IQANK1: variants seen among roughly 807,000 people sequenced by gnomAD.
IQANK1 encodes the protein IQ motif and ankyrin repeat domain-containing protein 1.
A neutral mutation model predicts 22.6 loss-of-function variants in IQANK1; 30 were observed. The ratio of observed to expected loss-of-function variants is 1.33; its 90% CI spans 0.99 to 1.80. The LOEUF is 1.80. IQANK1 is among the 40% of genes most tolerant of loss of function. The pLI, the probability that IQANK1 is intolerant of heterozygous loss-of-function variation, is 0.00. For missense variants in IQANK1, 275 were observed against 235.2 expected (o/e 1.17, Z -1.11); for synonymous variants, 122 against 99.6 (o/e 1.23, Z -1.34).
At chr8:143,769,991 T>C (rs1554629575) in intron 3 of IQANK1, among the ~76,000 whole-genome samples, 2 of 152,204 alleles carry the variant, frequency 1.3e-5, no homozygotes, top group Non-Finnish European at 2.9e-5. Flanking sequence ...TGGTCCCAGC[T>C]ACTCGGAGGC....
chr8:143,783,860 A>AC (rs1819839592), intron 7 of IQANK1, among the ~76,000 whole-genome samples: 1 of 152,170 alleles, frequency 6.6e-6, no homozygotes, highest in South Asian at 2.1e-4. Flanking sequence ...CTACACCATC[A>AC]ACTGTGCCCT....
chr8:143,742,375 T>C (rs1554626660), intron 3 of IQANK1: 1 of 455,946 alleles, frequency 2.2e-6, no homozygotes, highest in Non-Finnish European at 4.4e-6. Context: ...GAGGTCAGGC[T>C]GGAGTTGGTG....
In IQANK1 at chr8:143,749,284, TA is replaced by T. The variant is rs1188964042; in HGVS notation, c.175+9341del. ...ATATAAATGTATATATAAATATATA[TA>T]AAAATATATAATATATAAAAATATA... On this transcript the variant is annotated intron_variant, in intron 3 of 13. Coordinates refer to ENST00000527139, the MANE Select transcript of IQANK1 (RefSeq NM_001381874.1). Among the ~76,000 whole-genome samples the T allele has an allele frequency of 1.8e-4, 22 of 121,284 alleles. No homozygotes were observed. The East Asian group carries it at 3.6e-3, about 20-fold the overall frequency. The allele number at this position is 121,284 out of a possible 152,430, so 79.6% of individuals were successfully genotyped here.
intron 2 of IQANK1, among the ~76,000 whole-genome samples, chr8:143,738,739 G>C (rs1192698054): frequency 6.6e-6 from 1 of 152,094 alleles, no homozygotes; most frequent in Non-Finnish European, 1.5e-5. Context: ...ACAGCTGGTC[G>C]AGGGAAACTC....
chr8:143,739,811 G>T, intron 2 of IQANK1, 48 bp from the exon 3 acceptor site: 1 of 676,090 alleles, frequency 1.5e-6, no homozygotes, highest in Non-Finnish European at 2.7e-6. Flanking sequence ...AGGCTAATGG[G>T]GATGGGGGTC....
At position 143,771,679 on chromosome 8, in the gene IQANK1, A is replaced by G. The variant is rs1053793242; in HGVS notation, c.306+61A>G. ...CAGGAGGCAGGGGGAGGAAATGGCG[A>G]AGCAGGGTGCGTGGTGGGGGTGAGG... On this transcript the variant is annotated intron_variant, in intron 4 of 13. Transcript: ENST00000527139. The surrounding 1 kb of genome is among the most constrained non-coding windows in gnomAD (Gnocchi z 6.0). The G allele has an allele frequency of 3.3e-5, 13 of 398,416 alleles. No homozygotes were observed. The highest frequency in any genetic ancestry group is 2.5e-4 in the African/African-American group (12 of 48,370). The allele number at this position is 398,416 out of a possible 1,614,324, so 24.7% of individuals were successfully genotyped here.
chr8:143,747,886 G>T (rs1819060034), intron 3 of IQANK1, among the ~76,000 whole-genome samples: 1 of 146,684 alleles, frequency 6.8e-6, no homozygotes, highest in Non-Finnish European at 1.5e-5. Flanking sequence ...ATGTCTGTTA[G>T]ATCTAGTTGG....
chr8:143,748,726 T>G (rs1375670989), intron 3 of IQANK1, among the ~76,000 whole-genome samples: 2 of 96,984 alleles, frequency 2.1e-5, no homozygotes, highest in East Asian at 4.8e-4. Flanking sequence ...ATCATATATA[T>G]CATATATAAA....
intron 13 of IQANK1, 22 bp downstream of exon 13, chr8:143,790,293 G>A (rs898158269): frequency 2.4e-6 from 3 of 1,232,014 alleles, no homozygotes; most frequent in Admixed American, 4.2e-5. Context: ...AGGGTGACAG[G>A]TACACCCCAC....
intron 7 of IQANK1, among the ~76,000 whole-genome samples, chr8:143,778,319 C>T (rs1205559793): frequency 2.0e-5 from 3 of 151,772 alleles, no homozygotes; most frequent in Non-Finnish European, 4.4e-5. Context: ...ATGATAAAAA[C>T]AAATATGCCA....
In IQANK1 at chr8:143,774,163, CA is replaced by C. The variant is rs1819638362; in HGVS notation, c.789+1686del. ...CTTGGAGGGATTCTTGGACATGACA[CA>C]AAAAGCACAATCCAAAAAAAAAAAA... On this transcript the variant is annotated intron_variant, in intron 7 of 13. Coordinates refer to ENST00000527139, the MANE Select transcript of IQANK1 (RefSeq NM_001381874.1). This position sits in a 1 kb window ranked among gnomAD's most constrained non-coding sequence, Gnocchi z 4.2. 9.4e-6 allele frequency among the ~76,000 whole-genome samples: 1 copy of C among 106,056 alleles called. No individual in the cohort carries two copies. 69.6% of individuals were successfully genotyped at this position (106,056 alleles called of 152,430 possible). A position where few individuals can be genotyped will look rare whatever the true frequency, so the allele number is the denominator to read the frequency against.
intron 3 of IQANK1, chr8:143,745,107 C>T (rs12676133): frequency 0.21 from 31,548 of 152,272 alleles, 3,674 homozygotes; most frequent in East Asian, 0.51. Flanking sequence ...GGTTGGCATG[C>T]TTTGTATTGG....
rs547480653 is a variant in IQANK1 at position 143,774,566 on chromosome 8, C to T, written c.789+2084C>T. On this transcript the variant is annotated intron_variant, in intron 7 of 13. Transcript: ENST00000527139. This position sits in a 1 kb window ranked among gnomAD's most constrained non-coding sequence, Gnocchi z 4.2. Reference sequence around the variant, plus strand: ...CACACCTTGCTGGGGGGACGCAGCACCAGTACAGCCGCTCTTGCAAATAGG... The same window carrying T: ...CACACCTTGCTGGGGGGACGCAGCATCAGTACAGCCGCTCTTGCAAATAGG... Among the ~76,000 whole-genome samples the T allele has an allele frequency of 6.6e-6, 1 of 152,272 alleles. No homozygotes were observed. Among genetic ancestry groups the T allele is most frequent in the South Asian group, 2.1e-4 (1 of 4,828 alleles).
chr8:143,774,474 A>G lies in IQANK1; in HGVS notation c.789+1992A>G, dbSNP rs539486103. On this transcript the variant is annotated intron_variant, in intron 7 of 13. Transcript: ENST00000527139. This position sits in a 1 kb window ranked among gnomAD's most constrained non-coding sequence, Gnocchi z 4.2. Reference sequence around the variant, plus strand: ...TGTTGCACACCACCTCACACCTCCCAGGACAGCCCAGGTCAAACTAGAGCT... The same window carrying G: ...TGTTGCACACCACCTCACACCTCCCGGGACAGCCCAGGTCAAACTAGAGCT... 5.3e-5 allele frequency among the ~76,000 whole-genome samples: 8 copies of G among 152,210 alleles called. No individual in the cohort carries two copies. The highest frequency in any genetic ancestry group is 1.0e-4 in the Non-Finnish European group (7 of 68,034).
At chr8:143,749,194 A>G (rs1158340947) in intron 3 of IQANK1, among the ~76,000 whole-genome samples, 31 of 123,328 alleles carry the variant, frequency 2.5e-4, no homozygotes, top group African/African-American at 9.7e-4. Flanking sequence ...AATATATATC[A>G]TATATAAATA....
In IQANK1 at chr8:143,772,047, C is replaced by T. The variant is rs1819585749; in HGVS notation, c.472-5C>T. On this transcript the variant is annotated splice_region_variant and splice_polypyrimidine_tract_variant and intron_variant, in intron 5 of 13. Transcript: ENST00000527139. ...GGGGAGCGGTGACCGCGGCGAGCTG[C>T]GCAGGTGGAGCAGCTGCTGACGCGC... 1 of 396,212 alleles carries T rather than the reference C, an allele frequency of 2.5e-6. No individual in the cohort carries two copies. Among genetic ancestry groups the T allele is most frequent in the Non-Finnish European group, 4.5e-6 (1 of 224,650 alleles). The allele number at this position is 396,212 out of a possible 1,614,324, so 24.5% of individuals were successfully genotyped here.
At chr8:143,737,671 G>A (rs573925765) in intron 2 of IQANK1, among the ~76,000 whole-genome samples, 4 of 152,164 alleles carry the variant, frequency 2.6e-5, no homozygotes, top group South Asian at 2.1e-4. Context: ...GCAGTGCTTC[G>A]AAGCCCTCAC....
intron 3 of IQANK1, chr8:143,743,920 G>A (rs1818975556): frequency 1.5e-5 from 6 of 407,472 alleles, no homozygotes; most frequent in South Asian, 3.4e-5. Flanking sequence ...TGCTACCTCC[G>A]CCTCCCAGGT....
At chr8:143,778,189 C>T (rs1344263898) in intron 7 of IQANK1, among the ~76,000 whole-genome samples, 3 of 66,706 alleles carry the variant, frequency 4.5e-5, no homozygotes, top group African/African-American at 6.6e-5. Flanking sequence ...AGTAAGACTC[C>T]GTCTCAAAAC....
Sources: gnomAD v4.1 joint callset for allele counts (sites outside exome capture counted in the v4.1 genomes callset) on GRCh38, gnomAD v4.1.1 for gene constraint, Gnocchi (gnomAD v3.1) non-coding constraint, MANE v1.5 for transcripts, NCBI Gene and HGNC (gene_info 2026-07-23, HGNC 2026-07-21) for gene names.